BPIFB1: variants seen among roughly 807,000 people sequenced by gnomAD.
BPIFB1 encodes the protein BPI fold containing family B member 1.
In BPIFB1, 34 loss-of-function variants were observed where a neutral mutation model predicts 55.1. The observed-to-expected ratio is 0.62, with a 90% confidence interval of 0.47 to 0.82. BPIFB1 has a LOEUF of 0.82. Ranked by LOEUF, BPIFB1 falls within the 40% of genes least tolerant of loss-of-function variation. BPIFB1 has a pLI of 0.00. For synonymous variants in BPIFB1, 236 were observed against 245.3 expected, an observed-to-expected ratio of 0.96 and a Z score of 0.35; for missense variants, 532 against 593.1, an observed-to-expected ratio of 0.90 and a Z score of 1.07.
At position 33,288,885 on chromosome 20, in the gene BPIFB1, G is replaced by T; in HGVS notation, c.257+3G>T. On this transcript the variant is annotated splice_donor_region_variant and intron_variant, in intron 3 of 15. Transcript: ENST00000253354. ...ACCGTCCTGAAGCACATCATCTGGT[G>T]AGTGGAGCAGGACCACACCAGGAGC... 5.0e-6 allele frequency: 8 copies of T among 1,612,350 alleles called. No homozygotes were observed. The highest frequency in any genetic ancestry group is 5.9e-6 in the Non-Finnish European group (7 of 1,179,746).
In BPIFB1 at chr20:33,290,977, T is replaced by C. The variant is rs147987497; in HGVS notation, c.386T>C (p.Val129Ala). 3.2e-4 allele frequency: 516 copies of C among 1,613,842 alleles called. No homozygotes were observed. Among genetic ancestry groups the C allele is most frequent in the Non-Finnish European group, 4.1e-4 (484 of 1,180,026 alleles). The change falls in exon 5 of 16, where the codon GTG (valine) becomes GCG (alanine). Residue 129 changes from valine to alanine, a missense_variant. Physicochemically the swap from Val to Ala is moderately conservative, Grantham distance 64 (BLOSUM62 0). Coordinates refer to ENST00000253354, the MANE Select transcript of BPIFB1 (RefSeq NM_033197.3). ...GCTAGGCCCCTGGTCAAGACCATCG[T>C]GGAGTTCCACATGACGACTGAGGCC... is the stretch of plus-strand genomic sequence containing the variant. The part of the protein sequence containing the change: ...GFNTPLVKTI[V>A]EFHMTTEAQA...
At chr20:33,299,020 G>A in intron 7 of BPIFB1, 2 of 204,772 alleles carry the variant, frequency 9.8e-6, no homozygotes, top group Non-Finnish European at 2.0e-5. Context: ...TTTTTTTAAA[G>A]TAATTTTTAC....
Position 33,305,983 on chromosome 20 carries a change from C to T in BPIFB1, c.1255-19C>T. On this transcript the variant is annotated intron_variant, in intron 13 of 15. Transcript: ENST00000253354. ...CAGATGCTCAACCAGGGTGACAGTG[C>T]CCCTTCTCTCTCTCACAGCCTGATG... 6.2e-7 allele frequency: 1 copy of T among 1,613,700 alleles called. No homozygotes were observed. The highest frequency in any genetic ancestry group is 8.5e-7 in the Non-Finnish European group (1 of 1,179,674).
rs1451606694 is a variant in BPIFB1 at position 33,306,524 on chromosome 20, T to C, written c.1319-387T>C. On this transcript the variant is annotated intron_variant, in intron 14 of 15. Transcript: ENST00000253354. ...CACAGTCAGTGCCCAACACTCTAAT[T>C]CAGCCCCAGGTTGAATGAGGGGTGG... is the stretch of plus-strand genomic sequence containing the variant. 13 of 305,096 alleles carry C rather than the reference T, an allele frequency of 4.3e-5. No homozygotes were observed. In the East Asian group the frequency reaches 8.8e-4, roughly 21 times the overall value. The allele number at this position is 305,096 out of a possible 1,614,324, so 18.9% of individuals were successfully genotyped here. A position where few individuals can be genotyped will look rare whatever the true frequency, so the allele number is the denominator to read the frequency against.
In BPIFB1 at chr20:33,302,380, C is replaced by T; in HGVS notation, c.949C>T (p.Leu317=). 6.2e-7 allele frequency: 1 copy of T among 1,614,012 alleles called. No homozygotes were observed. Among genetic ancestry groups the T allele is most frequent in the South Asian group, 1.1e-5 (1 of 91,086 alleles). Residue 317 remains leucine (L), a synonymous_variant, in exon 10 of 16, where the codon CTG becomes TTG. Transcript: ENST00000253354. ...DSVLPESAHR[L]KSSIGLINEK... is the part of the protein sequence containing the mutation. ...TCAGCTTCCTGAGAGTGCCCATCGG[C>T]TGAAGTCAAGCATCGGGCTGATCAA...
chr20:33,290,067 T>G (rs902547026), intron 4 of BPIFB1, 75 bp downstream of exon 4: 8 of 1,130,338 alleles, frequency 7.1e-6, no homozygotes, highest in Non-Finnish European at 9.3e-6. Context: ...GCCCCCACCA[T>G]GCAGGTGTCT....
intron 3 of BPIFB1, 94 bp downstream of exon 3, chr20:33,288,976 C>A (rs753960817): frequency 7.2e-7 from 1 of 1,383,550 alleles, no homozygotes; most frequent in Middle Eastern, 1.8e-4. Context: ...CTGCAAGCAT[C>A]GACTTGTGTC....
intron 13 of BPIFB1, 115 bp downstream of exon 13, chr20:33,305,006 G>A (rs1158340990): frequency 8.2e-7 from 1 of 1,219,826 alleles, no homozygotes; most frequent in African/African-American, 1.5e-5. Context: ...AAGCACCATG[G>A]GGGGCTGGCC....
chr20:33,286,271 C>T, intron 2 of BPIFB1, 83 bp downstream of exon 2: 1 of 1,220,556 alleles, frequency 8.2e-7, no homozygotes, highest in Admixed American at 1.9e-5. Flanking sequence ...GAGAGTTCCT[C>T]ATCACGGGGG....
chr20:33,309,665 G>A lies in BPIFB1; in HGVS notation c.1396-43G>A, dbSNP rs1229336213. On this transcript the variant is annotated intron_variant, in intron 15 of 15. Coordinates refer to ENST00000253354, the MANE Select transcript of BPIFB1 (RefSeq NM_033197.3). This position sits in a 1 kb window ranked among gnomAD's most constrained non-coding sequence, Gnocchi z 4.4. The stretch of plus-strand genomic sequence containing the variant: ...AACCAGCATAAACCACAAGGCAAAA[G>A]GTTAAAGAAACCTGTTTTCTGACTT... The A allele has an allele frequency of 5.6e-6, 9 of 1,597,626 alleles. No individual in the cohort carries two copies. The highest frequency in any genetic ancestry group is 7.7e-6 in the Non-Finnish European group (9 of 1,165,294).
chr20:33,294,582 G>C (rs1275054256), intron 6 of BPIFB1, among the ~76,000 whole-genome samples: 1 of 152,120 alleles, frequency 6.6e-6, no homozygotes, highest in Non-Finnish European at 1.5e-5. Flanking sequence ...CTGTTTCAAG[G>C]TGGGAATTTC....
chr20:33,283,482 T>C (rs1343524794), intron 1 of BPIFB1, among the ~76,000 whole-genome samples: 1 of 152,168 alleles, frequency 6.6e-6, no homozygotes, highest in Non-Finnish European at 1.5e-5. Context: ...AGTGTTTTCC[T>C]GACCTCTTCC....
intron 1 of BPIFB1, among the ~76,000 whole-genome samples, chr20:33,285,232 A>C (rs1371676375): frequency 6.6e-6 from 1 of 152,166 alleles, no homozygotes; most frequent in Non-Finnish European, 1.5e-5. Flanking sequence ...CGGACACAGG[A>C]GAGAACACAG....
At chr20:33,285,156 G>A (rs995505614) in intron 1 of BPIFB1, among the ~76,000 whole-genome samples, 3 of 152,134 alleles carry the variant, frequency 2.0e-5, no homozygotes, top group Admixed American at 2.0e-4. Flanking sequence ...ATGAATAGGA[G>A]TTCATCAGGG....
At chr20:33,290,893 C>T (rs1411065834) in intron 4 of BPIFB1, 64 bp from the exon 5 acceptor site, 7 of 1,567,262 alleles carry the variant, frequency 4.5e-6, no homozygotes, top group African/African-American at 1.3e-5. Context: ...CAGAGACGGA[C>T]GGCAGGGTTG....
intron 6 of BPIFB1, 75 bp downstream of exon 6, chr20:33,292,063 T>G: frequency 7.5e-7 from 1 of 1,339,250 alleles, no homozygotes; most frequent in Non-Finnish European, 1.1e-6. Flanking sequence ...TGCAAGTTGG[T>G]GCTAAGTGAC....
chr20:33,301,263 A>C lies in BPIFB1; in HGVS notation c.778A>C (p.Thr260Pro). Residue 260 changes from threonine to proline, a missense_variant, in exon 9 of 16, where the codon ACC becomes CCC. Transcript: ENST00000253354. ...GTTGTTGGACTCACAGGGAAAGGTG[A>C]CCAAGTGGTTCAATAACTCTGCAGC... Reference protein sequence around the residue: ...AKLLDSQGKVTKWFNNSAASL... With the variant: ...AKLLDSQGKVPKWFNNSAASL... The C allele has an allele frequency of 6.2e-7, 1 of 1,614,172 alleles. No homozygotes were observed. The highest frequency in any genetic ancestry group is 8.5e-7 in the Non-Finnish European group (1 of 1,180,014).
chr20:33,299,206 G>T (rs1249440966), intron 7 of BPIFB1: 1 of 456,462 alleles, frequency 2.2e-6, no homozygotes, highest in Admixed American at 2.3e-5. Context: ...CCGAGGACGG[G>T]CCCGGAGGTC....
chr20:33,290,390 A>C (rs1364261249), intron 4 of BPIFB1, among the ~76,000 whole-genome samples: 1 of 152,150 alleles, frequency 6.6e-6, no homozygotes, highest in Non-Finnish European at 1.5e-5. Flanking sequence ...TGGAGACAGG[A>C]AGGCTATCCC....
Sources: gnomAD v4.1 joint callset for allele counts (sites outside exome capture counted in the v4.1 genomes callset) on GRCh38, gnomAD v4.1.1 for gene constraint, Gnocchi (gnomAD v3.1) non-coding constraint, MANE v1.5 for transcripts, NCBI Gene and HGNC (gene_info 2026-07-23, HGNC 2026-07-21) for gene names.